GARNL3: variants seen among roughly 807,000 people sequenced by gnomAD.
The protein encoded by GARNL3 is GTPase-activating Rap/Ran-GAP domain-like protein 3.
In GARNL3, 63 loss-of-function variants were observed where a neutral mutation model predicts 125.0. That is an observed-to-expected ratio of 0.50 (90% CI 0.41 to 0.62). The LOEUF is 0.62. Among genes scored for constraint, GARNL3 ranks in the 20% least tolerant of loss-of-function variants. The pLI is 0.00. For missense variants in GARNL3, 994 were observed against 1,244.0 expected, an observed-to-expected ratio of 0.80 and a Z score of 3.02; for synonymous variants, 439 against 457.5, an observed-to-expected ratio of 0.96 and a Z score of 0.52.
chr9:127,295,026 A>G (rs925797792), intron 2 of GARNL3, among the ~76,000 whole-genome samples: 7 of 152,248 alleles, frequency 4.6e-5, no homozygotes, highest in Non-Finnish European at 8.8e-5. Context: ...AAGCCTCTGA[A>G]CAGTGCTTCT....
At chr9:127,282,910 CTAA>C (rs2064141622) in intron 1 of GARNL3, among the ~76,000 whole-genome samples, 2 of 152,216 alleles carry the variant, frequency 1.3e-5, no homozygotes, top group African/African-American at 2.4e-5. Flanking sequence ...CAATTTGAAA[CTAA>C]TAATGTTTTT....
chr9:127,254,292 A>G (rs1407325433), intron 2 of GARNL3, among the ~76,000 whole-genome samples: 1 of 152,232 alleles, frequency 6.6e-6, no homozygotes, highest in African/African-American at 2.4e-5. Flanking sequence ...TTAGGAAATC[A>G]TGATGGTGAA....
At chr9:127,363,279 C>G (rs1234561188) in intron 21 of GARNL3, 2 of 152,310 alleles carry the variant, frequency 1.3e-5, no homozygotes, top group African/African-American at 2.4e-5. Flanking sequence ...CTGGTCCTCA[C>G]TGTCACTCCC....
chr9:127,273,722 A>G (rs907534906), intron 1 of GARNL3, among the ~76,000 whole-genome samples: 1 of 152,244 alleles, frequency 6.6e-6, no homozygotes, highest in African/African-American at 2.4e-5. Context: ...TGTTCGTCAT[A>G]TACAGAGTCT....
chr9:127,256,138 A>G (rs2063491554), intron 2 of GARNL3, among the ~76,000 whole-genome samples: 1 of 152,236 alleles, frequency 6.6e-6, no homozygotes, highest in Admixed American at 6.5e-5. Flanking sequence ...TATAGATCCC[A>G]CATGGAGTGA....
intron 2 of GARNL3, among the ~76,000 whole-genome samples, chr9:127,303,159 TA>T (rs2064851046): frequency 6.6e-6 from 1 of 151,804 alleles, no homozygotes; most frequent in Non-Finnish European, 1.5e-5. Flanking sequence ...TCAAAAAAAA[TA>T]AAAATAAAAA....
upstream of GARNL3, among the ~76,000 whole-genome samples, chr9:127,260,677 G>A (rs2063571809): frequency 6.6e-6 from 1 of 152,186 alleles, no homozygotes; most frequent in East Asian, 1.9e-4. Flanking sequence ...TAACCACTGG[G>A]CATGGCTATG....
intron 1 of GARNL3, among the ~76,000 whole-genome samples, chr9:127,238,947 C>T (rs1481271416): frequency 6.6e-6 from 1 of 152,186 alleles, no homozygotes; most frequent in Non-Finnish European, 1.5e-5. Context: ...GTTGGATCTT[C>T]TCTTTTAGAA....
chr9:127,300,601 T>A, intron 2 of GARNL3: 1 of 298,650 alleles, frequency 3.3e-6, no homozygotes, highest in Non-Finnish European at 6.4e-6. Flanking sequence ...ACTACAGGCA[T>A]GCGCCACCAC....
At chr9:127,375,692 A>G (rs536817184) in intron 22 of GARNL3, among the ~76,000 whole-genome samples, 1 of 152,276 alleles carries the variant, frequency 6.6e-6, no homozygotes, top group South Asian at 2.1e-4. Context: ...GGACTTAGTG[A>G]TTCCTGTCTA....
intron 2 of GARNL3, among the ~76,000 whole-genome samples, chr9:127,304,702 A>AT (rs2064900016): frequency 6.6e-6 from 1 of 151,586 alleles, no homozygotes; most frequent in Non-Finnish European, 1.5e-5. Context: ...CACCTGGCTA[A>AT]TTTTTTGTAT....
At position 127,354,287 on chromosome 9, in the gene GARNL3, T is replaced by C; in HGVS notation, c.1643-7T>C. ...AATCTCCTCCTCTGTCTTTTTTATG[T>C]CACCAGGAAAAGATGCTCGCCTCTT... On this transcript the variant is annotated splice_polypyrimidine_tract_variant and splice_region_variant and intron_variant, in intron 18 of 27. Transcript: ENST00000373387. 6.2e-7 allele frequency: 1 copy of C among 1,605,640 alleles called. No homozygotes were observed. Among genetic ancestry groups the C allele is most frequent in the Non-Finnish European group, 8.5e-7 (1 of 1,173,940 alleles).
At position 127,271,289 on chromosome 9, in the gene GARNL3, G is replaced by A. The variant is rs1056303683; in HGVS notation, c.144+6268G>A. Among the ~76,000 whole-genome samples, 2 of 150,258 alleles carry A rather than the reference G, an allele frequency of 1.3e-5. 1 individual carries two copies. Among genetic ancestry groups the A allele is most frequent in the African/African-American group, 5.0e-5 (2 of 39,606 alleles). ...ATAGATTATGAACTCCCTAAAAATAGGAATAATGTTTATTTGCCACTGTAT... is the reference window on the plus strand; with the variant it reads ...ATAGATTATGAACTCCCTAAAAATAAGAATAATGTTTATTTGCCACTGTAT... On this transcript the variant is annotated intron_variant, in intron 1 of 27. Transcript: ENST00000373387.
In GARNL3 at chr9:127,264,851, T is replaced by G; in HGVS notation, c.-27T>G. ...CAGTGAGGAGCCGGGGCACTGCAAGTCTGTTCCATAGCAGCCCTTTTTGCA... is the reference window on the plus strand; with the variant it reads ...CAGTGAGGAGCCGGGGCACTGCAAGGCTGTTCCATAGCAGCCCTTTTTGCA... On this transcript the variant is annotated 5_prime_UTR_variant, in exon 1 of 28. Coordinates refer to ENST00000373387, the MANE Select transcript of GARNL3 (RefSeq NM_032293.5). 1 of 1,541,780 alleles carries G rather than the reference T, an allele frequency of 6.5e-7. No individual in the cohort carries two copies. Among genetic ancestry groups the G allele is most frequent in the Non-Finnish European group, 8.8e-7 (1 of 1,136,456 alleles).
At chr9:127,391,700 CAAA>C (rs11357196) in intron 27 of GARNL3, among the ~76,000 whole-genome samples, 11 of 76,892 alleles carry the variant, frequency 1.4e-4, no homozygotes, top group Non-Finnish European at 1.6e-4. Context: ...GACCCCGTGT[CAAA>C]AAAAAAAAAA....
Position 127,343,886 on chromosome 9 carries a change from G to A in GARNL3, c.1252-349G>A, listed in dbSNP as rs544310887. Among the ~76,000 whole-genome samples the A allele has an allele frequency of 2.6e-5, 4 of 152,316 alleles. No homozygotes were observed. The South Asian group carries it at 8.3e-4, about 32-fold the overall frequency. On this transcript the variant is annotated intron_variant, in intron 14 of 27. Coordinates refer to ENST00000373387, the MANE Select transcript of GARNL3 (RefSeq NM_032293.5). ...GTACTGTTCTCATAGAATTCAGTTT[G>A]TTGTGTTCCAGGGGGTGCTGCTGTG...
intron 1 of GARNL3, among the ~76,000 whole-genome samples, chr9:127,228,424 C>CAT (rs2062949532): frequency 6.6e-6 from 1 of 152,240 alleles, no homozygotes; most frequent in African/African-American, 2.4e-5. Context: ...CCCCCAAGGG[C>CAT]ATATGAGTGT....
chr9:127,319,307 A>AC (rs1255230728), intron 5 of GARNL3, among the ~76,000 whole-genome samples: 4 of 151,480 alleles, frequency 2.6e-5, no homozygotes, highest in African/African-American at 7.3e-5. Flanking sequence ...ATATAGTGAA[A>AC]CCCCGTCTCT....
At chr9:127,272,658 T>C (rs959693542) in intron 1 of GARNL3, among the ~76,000 whole-genome samples, 1 of 152,254 alleles carries the variant, frequency 6.6e-6, no homozygotes, top group East Asian at 1.9e-4. Flanking sequence ...TTTTGTATTT[T>C]TAGTAGAGAC....
Sources: allele counts gnomAD v4.1 joint callset (sites outside exome capture counted in the v4.1 genomes callset), GRCh38; gene constraint gnomAD v4.1.1; transcripts MANE v1.5; gene names NCBI Gene and HGNC (gene_info 2026-07-23, HGNC 2026-07-21).